The following CRISPLD1 variants were observed in gnomAD, a reference collection of about 807,000 sequenced individuals.
The protein encoded by CRISPLD1 is cysteine-rich secretory protein LCCL domain-containing 1.
CRISPLD1 carries 60 observed loss-of-function variants against 77.5 expected under a neutral mutation model. The observed-to-expected ratio is 0.77, with a 90% CI of 0.63 to 0.96. The LOEUF is 0.96. CRISPLD1 is among the 40% of genes least tolerant of loss of function. The probability of loss-of-function intolerance (pLI) is 0.00; values close to 1 mark genes in which losing one functional copy is unlikely to be tolerated. For missense variants in CRISPLD1, 623 were observed against 615.8 expected, an observed-to-expected ratio of 1.01 and a Z score of -0.12; for synonymous variants, 195 against 200.1, an observed-to-expected ratio of 0.97 and a Z score of 0.22.
intron 2 of CRISPLD1, among the ~76,000 whole-genome samples, chr8:75,001,197 CAA>C (rs1812734976): frequency 6.6e-6 from 1 of 151,964 alleles, no homozygotes; most frequent in Non-Finnish European, 1.5e-5. Flanking sequence ...TTATATAAAA[CAA>C]AATTTTGTGT....
At chr8:75,001,986 G>A (rs910230037) in intron 2 of CRISPLD1, among the ~76,000 whole-genome samples, 1 of 152,044 alleles carries the variant, frequency 6.6e-6, no homozygotes, top group African/African-American at 2.4e-5. Flanking sequence ...ACATATATAT[G>A]TATGTTAGTG....
chr8:75,013,955 C>G (rs775908513), intron 4 of CRISPLD1, 32 bp from the exon 5 acceptor site: 3 of 1,464,126 alleles, frequency 2.0e-6, no homozygotes, highest in African/African-American at 2.8e-5. Flanking sequence ...TTTCAGCCTG[C>G]TTTTTCTGAG....
intron 2 of CRISPLD1, among the ~76,000 whole-genome samples, chr8:74,990,562 C>A (rs1365918724): frequency 6.6e-6 from 1 of 151,904 alleles, no homozygotes; most frequent in Non-Finnish European, 1.5e-5. Context: ...CTCCAGCTGA[C>A]AGCCTTGTCT....
At chr8:75,002,550 G>A (rs1336761768) in intron 2 of CRISPLD1, among the ~76,000 whole-genome samples, 7 of 151,810 alleles carry the variant, frequency 4.6e-5, no homozygotes, top group Admixed American at 4.6e-4. Context: ...CAGGATTAAG[G>A]CAAGCCATGG....
At chr8:75,008,990 G>A (rs575928248) in intron 2 of CRISPLD1, among the ~76,000 whole-genome samples, 1 of 152,272 alleles carries the variant, frequency 6.6e-6, no homozygotes, top group South Asian at 2.1e-4. Flanking sequence ...GGAACTAGTT[G>A]TATATCTTTT....
At position 75,030,621 on chromosome 8, in the gene CRISPLD1, C is replaced by CT. The variant is rs571242096; in HGVS notation, c.1451+1105dup. Among the ~76,000 whole-genome samples, 49 of 151,924 alleles carry CT rather than the reference C, an allele frequency of 3.2e-4. No homozygotes were observed. In the South Asian group the frequency reaches 9.8e-3, roughly 30 times the overall value. On this transcript the variant is annotated intron_variant, in intron 14 of 14. Transcript: ENST00000262207. ...CAGATGTTAGATGCTCCTGAGCACTCTAAGTATGTTAGCTCAGCTTCGACA... is the reference window on the plus strand; with the variant it reads ...CAGATGTTAGATGCTCCTGAGCACTCTTAAGTATGTTAGCTCAGCTTCGACA...
chr8:75,032,172 ATAT>A lies in CRISPLD1; in HGVS notation c.1452-17_1452-15del. The A allele has an allele frequency of 6.6e-7, 1 of 1,511,962 alleles. No homozygotes were observed. 93.7% of individuals were successfully genotyped at this position (1,511,962 alleles called of 1,614,324 possible). Reference sequence around the variant, plus strand: ...GAGATGACATCAATATACTTTTCATATATTTTTTTTTTTTGCAGTTTACAGAAT... The same window carrying A: ...GAGATGACATCAATATACTTTTCATATTTTTTTTTTTGCAGTTTACAGAAT... On this transcript the variant is annotated splice_polypyrimidine_tract_variant and intron_variant, in intron 14 of 14. Coordinates refer to ENST00000262207, the MANE Select transcript of CRISPLD1 (RefSeq NM_031461.6).
intron 2 of CRISPLD1, among the ~76,000 whole-genome samples, chr8:75,011,232 G>A (rs1014767829): frequency 2.7e-5 from 4 of 149,938 alleles, no homozygotes; most frequent in East Asian, 2.0e-4. Flanking sequence ...CCATTAACTC[G>A]TCATTTAGCA....
rs755855355 is a variant in CRISPLD1 at position 74,986,027 on chromosome 8, G to GTGC, written c.43_45dup (p.Leu15dup). On this transcript the variant is annotated inframe_insertion, in exon 2 of 15. Transcript: ENST00000262207. The stretch of plus-strand genomic sequence containing the variant: ...GCGGGAGTGGCTCAGAGTAACCACA[G>GTGC]TGCTGTTCATGGCTAGAGCAATTCC... 1 of 1,614,166 alleles carries GTGC rather than the reference G, an allele frequency of 6.2e-7. No individual in the cohort carries two copies. The highest frequency in any genetic ancestry group is 2.2e-5 in the East Asian group (1 of 44,880).
chr8:75,033,317 C>T lies in CRISPLD1; in HGVS notation c.*1075C>T, dbSNP rs1020499628. 1.3e-5 allele frequency: 2 copies of T among 152,028 alleles called. No homozygotes were observed. The highest frequency in any genetic ancestry group is 4.8e-5 in the African/African-American group (2 of 41,368). 9.4% of individuals were successfully genotyped at this position (152,028 alleles called of 1,614,324 possible). A position where few individuals can be genotyped will look rare whatever the true frequency, so the allele number is the denominator to read the frequency against. On this transcript the variant is annotated 3_prime_UTR_variant, in exon 15 of 15. Transcript: ENST00000262207. The stretch of plus-strand genomic sequence containing the variant: ...TGTTTCAAAGTTTTATTTTCAGTTC[C>T]TTTTGCATGCCTATTTTGATTTAGA...
chr8:74,986,131 A>G lies in CRISPLD1; in HGVS notation c.144A>G (p.Ile48Met). The G allele has an allele frequency of 6.2e-7, 1 of 1,614,176 alleles. No individual in the cohort carries two copies. The highest frequency in any genetic ancestry group is 8.5e-7 in the Non-Finnish European group (1 of 1,180,022). Reference sequence around the variant, plus strand: ...TGGATGAGGATGGTGAGTGGTGGATAGCCAAACAACGAGGGAAAAGGGCCA... The same window carrying G: ...TGGATGAGGATGGTGAGTGGTGGATGGCCAAACAACGAGGGAAAAGGGCCA... ...KYMDEDGEWW[I>M]AKQRGKRAIT... Residue 48 changes from isoleucine to methionine, a missense_variant, in exon 2 of 15, where the codon ATA (isoleucine) becomes ATG (methionine). Transcript: ENST00000262207.
chr8:75,021,069 A>G (rs938700687), intron 12 of CRISPLD1, among the ~76,000 whole-genome samples: 3 of 152,198 alleles, frequency 2.0e-5, no homozygotes, highest in Non-Finnish European at 4.4e-5. Flanking sequence ...AAAAACTAGT[A>G]ATGAGATTTA....
chr8:74,998,342 T>A (rs1373686993), intron 2 of CRISPLD1, among the ~76,000 whole-genome samples: 1 of 152,066 alleles, frequency 6.6e-6, no homozygotes, highest in Non-Finnish European at 1.5e-5. Flanking sequence ...ATCAAATGTA[T>A]GGGAAGTTTT....
At chr8:75,007,663 C>CTTTTT (rs34289550) in intron 2 of CRISPLD1, among the ~76,000 whole-genome samples, 7,000 of 89,070 alleles carry the variant, frequency 0.079, 580 homozygotes, top group African/African-American at 0.16. Context: ...GAACCATCGA[C>CTTTTT]TTTTTTTTTT....
rs74848398 is a variant in CRISPLD1 at position 75,016,719 on chromosome 8, A to G, written c.868+14A>G. On this transcript the variant is annotated intron_variant, in intron 7 of 14. Coordinates refer to ENST00000262207, the MANE Select transcript of CRISPLD1 (RefSeq NM_031461.6). ...CACAGCAAATGTGTAAGACCTCCATATTACTTATAAAAATTTTCAAAGTAC... is the reference window on the plus strand; with the variant it reads ...CACAGCAAATGTGTAAGACCTCCATGTTACTTATAAAAATTTTCAAAGTAC... 5,000 of 1,594,612 alleles carry G rather than the reference A, an allele frequency of 3.1e-3. 130 individuals carry two copies. The African/African-American group carries it at 0.059, about 19-fold the overall frequency.
intron 12 of CRISPLD1, among the ~76,000 whole-genome samples, chr8:75,023,195 A>G (rs75060870): frequency 0.078 from 11,837 of 152,140 alleles, 629 homozygotes; most frequent in South Asian, 0.12. Flanking sequence ...TCTTTGTTTT[A>G]CCTGAACTCA....
At chr8:75,012,850 C>G in intron 3 of CRISPLD1, 40 bp from the exon 4 acceptor site, 1 of 1,575,140 alleles carries the variant, frequency 6.3e-7, no homozygotes, top group Middle Eastern at 1.7e-4. Flanking sequence ...GTATTTTCTC[C>G]AACTTTGCTT....
At chr8:75,001,015 TATC>T (rs1231354204) in intron 2 of CRISPLD1, among the ~76,000 whole-genome samples, 4 of 152,108 alleles carry the variant, frequency 2.6e-5, no homozygotes, top group African/African-American at 4.8e-5. Flanking sequence ...CATAATTACA[TATC>T]ATTGCAAGTT....
At chr8:75,013,068 T>TATGAAAATTGA in intron 4 of CRISPLD1, 46 bp downstream of exon 4, 1 of 1,420,800 alleles carries the variant, frequency 7.0e-7, no homozygotes, top group Non-Finnish European at 9.3e-7. Context: ...ATTGAGTTAA[T>TATGAAAATTGA]GTAACTATGA....
Sources: allele counts gnomAD v4.1 joint callset (sites outside exome capture counted in the v4.1 genomes callset), GRCh38; gene constraint gnomAD v4.1.1; transcripts MANE v1.5; gene names NCBI Gene and HGNC (gene_info 2026-07-23, HGNC 2026-07-21).